NALF1: variants seen among roughly 807,000 people sequenced by gnomAD.
NALF1 encodes NALCN channel auxiliary factor 1, also known as family with sequence similarity 155 member A.
Under a neutral mutation model 48.4 loss-of-function variants are expected in NALF1, and 3 were observed. The observed-to-expected ratio is 0.06, with a 90% CI of 0.03 to 0.16. The LOEUF (loss-of-function observed/expected upper bound fraction) is 0.16. Ranked by LOEUF, NALF1 falls within the 10% of genes least tolerant of loss-of-function variation. NALF1 has a pLI of 1.00. For synonymous variants in NALF1, 262 were observed against 245.7 expected, an observed-to-expected ratio of 1.07 and a Z score of -0.62; for missense variants, 526 against 571.5, an observed-to-expected ratio of 0.92 and a Z score of 0.81.
chr13:107,704,558 T>C (rs888912622), intron 1 of NALF1, among the ~76,000 whole-genome samples: 9 of 152,118 alleles, frequency 5.9e-5, no homozygotes, highest in Admixed American at 1.3e-4. Flanking sequence ...CACAATGCAA[T>C]AGTGTTTATT....
chr13:107,739,017 C>T (rs1876549197), intron 1 of NALF1, among the ~76,000 whole-genome samples: 1 of 152,096 alleles, frequency 6.6e-6, no homozygotes, highest in Non-Finnish European at 1.5e-5. Context: ...AATCAAAGAG[C>T]ATGTTTGCTG....
intron 1 of NALF1, among the ~76,000 whole-genome samples, chr13:107,701,512 GA>G (rs1476158911): frequency 6.6e-6 from 1 of 152,098 alleles, no homozygotes; most frequent in Non-Finnish European, 1.5e-5. Flanking sequence ...ATGAGGGAGG[GA>G]GGAGGAAATG....
chr13:107,842,361 A>T (rs1880065588), intron 1 of NALF1, among the ~76,000 whole-genome samples: 1 of 152,216 alleles, frequency 6.6e-6, no homozygotes, highest in African/African-American at 2.4e-5. Flanking sequence ...GAAATTTAGT[A>T]TATTGCCTTT....
At chr13:107,354,828 CT>C (rs1219519354) in intron 1 of NALF1, among the ~76,000 whole-genome samples, 2 of 152,036 alleles carry the variant, frequency 1.3e-5, no homozygotes, top group Non-Finnish European at 2.9e-5. Flanking sequence ...GTAAAAGCCC[CT>C]GATAAATTTG....
At chr13:107,297,785 T>C (rs1594109335) in intron 1 of NALF1, among the ~76,000 whole-genome samples, 1 of 152,212 alleles carries the variant, frequency 6.6e-6, no homozygotes, top group East Asian at 1.9e-4. Flanking sequence ...CAGAAGGCAA[T>C]ATGGAGCAGA....
chr13:107,440,955 G>T (rs1458275176), intron 1 of NALF1, among the ~76,000 whole-genome samples: 1 of 152,144 alleles, frequency 6.6e-6, no homozygotes, highest in Non-Finnish European at 1.5e-5. Flanking sequence ...CTGGTCACGA[G>T]ATTGCAATAT....
chr13:107,637,253 G>GTA (rs35514972), intron 1 of NALF1, among the ~76,000 whole-genome samples: 130 of 151,058 alleles, frequency 8.6e-4, no homozygotes, highest in East Asian at 7.4e-3. Flanking sequence ...GTGTGTGTGT[G>GTA]TATATATATA....
intron 1 of NALF1, among the ~76,000 whole-genome samples, chr13:107,597,545 C>G (rs1215876058): frequency 6.6e-6 from 1 of 151,874 alleles, no homozygotes; most frequent in Non-Finnish European, 1.5e-5. Context: ...TTATATCTTC[C>G]CAGGGCTTTT....
chr13:107,490,155 G>GGTC (rs1168085333), intron 1 of NALF1, among the ~76,000 whole-genome samples: 3 of 152,128 alleles, frequency 2.0e-5, no homozygotes, highest in African/African-American at 7.2e-5. Flanking sequence ...AACCATTGTA[G>GGTC]AAGACAATAT....
chr13:107,455,798 T>C (rs971942251), intron 1 of NALF1, among the ~76,000 whole-genome samples: 1 of 152,186 alleles, frequency 6.6e-6, no homozygotes, highest in Non-Finnish European at 1.5e-5. Context: ...AGCCTTCAGA[T>C]TGTCTTCTTT....
At chr13:107,865,044 T>C (rs1017844007) in intron 1 of NALF1, among the ~76,000 whole-genome samples, 1 of 152,222 alleles carries the variant, frequency 6.6e-6, no homozygotes, top group East Asian at 1.9e-4. Context: ...TGTTCATTCA[T>C]AGTGAGTCCC....
intron 1 of NALF1, among the ~76,000 whole-genome samples, chr13:107,830,010 C>T (rs1566498676): frequency 1.3e-5 from 2 of 152,172 alleles, no homozygotes; most frequent in African/African-American, 2.4e-5. Context: ...ACTCACAACC[C>T]TAACTCGCAG....
At chr13:107,279,263 G>A (rs1344269336) in intron 1 of NALF1, among the ~76,000 whole-genome samples, 3 of 150,846 alleles carry the variant, frequency 2.0e-5, no homozygotes, top group Admixed American at 6.6e-5. Context: ...TTTTTGTTTT[G>A]TTTTTCTTTG....
intron 1 of NALF1, among the ~76,000 whole-genome samples, chr13:107,273,240 A>T (rs1028697062): frequency 1.3e-5 from 2 of 152,300 alleles, no homozygotes; most frequent in African/African-American, 4.8e-5. Flanking sequence ...AGTCCATACC[A>T]ATAGGTCATA....
chr13:107,741,206 G>C (rs1876623797), intron 1 of NALF1, among the ~76,000 whole-genome samples: 1 of 152,160 alleles, frequency 6.6e-6, no homozygotes, highest in African/African-American at 2.4e-5. Flanking sequence ...TTTCATTCTG[G>C]TGCTAATTGG....
At chr13:107,284,955 A>C (rs1031371164) in intron 1 of NALF1, among the ~76,000 whole-genome samples, 8 of 152,208 alleles carry the variant, frequency 5.3e-5, no homozygotes, top group Non-Finnish European at 1.2e-4. Context: ...ATAACCAAAT[A>C]GAAATTCTGG....
At chr13:107,305,433 T>C (rs1350587495) in intron 1 of NALF1, among the ~76,000 whole-genome samples, 1 of 152,246 alleles carries the variant, frequency 6.6e-6, no homozygotes, top group African/African-American at 2.4e-5. Flanking sequence ...ACAAACTTTT[T>C]TTTAAATTTA....
intron 1 of NALF1, among the ~76,000 whole-genome samples, chr13:107,792,190 T>A (rs1466349542): frequency 1.3e-5 from 2 of 152,228 alleles, no homozygotes; most frequent in East Asian, 3.9e-4. Flanking sequence ...TCTTATCAAG[T>A]ACACTACTAA....
chr13:107,496,579 G>T (rs1196935943), intron 1 of NALF1, among the ~76,000 whole-genome samples: 1 of 152,162 alleles, frequency 6.6e-6, no homozygotes, highest in Non-Finnish European at 1.5e-5. Flanking sequence ...CATGTAAAAC[G>T]ATGTGCTAAA....
Sources: gnomAD v4.1 joint callset for allele counts (sites outside exome capture counted in the v4.1 genomes callset) on GRCh38, gnomAD v4.1.1 for gene constraint, MANE v1.5 for transcripts, NCBI Gene and HGNC (gene_info 2026-07-23, HGNC 2026-07-21) for gene names.